The following NEGR1 variants were observed in gnomAD, a reference collection of about 807,000 sequenced individuals.
NEGR1 encodes neuronal growth regulator 1.
A neutral mutation model predicts 40.9 loss-of-function variants in NEGR1; 10 were observed. That is an observed-to-expected ratio of 0.24 (90% CI 0.15 to 0.42). The LOEUF is 0.42. Among genes scored for constraint, NEGR1 ranks in the 10% least tolerant of loss-of-function variants. The probability of loss-of-function intolerance (pLI) is 1.00; values close to 1 mark genes in which losing one functional copy is unlikely to be tolerated. For synonymous variants in NEGR1, 185 were observed against 166.8 expected (o/e 1.11, Z -0.84); for missense variants, 352 against 438.9 (o/e 0.80, Z 1.77).
intron 6 of NEGR1, among the ~76,000 whole-genome samples, chr1:71,409,455 G>A (rs1440414440): frequency 6.6e-6 from 1 of 151,966 alleles, no homozygotes; most frequent in African/African-American, 2.4e-5. Flanking sequence ...AAATTAAGTA[G>A]TAACATTAAA....
At chr1:71,863,055 C>G (rs888746511) in intron 2 of NEGR1, among the ~76,000 whole-genome samples, 24 of 152,112 alleles carry the variant, frequency 1.6e-4, no homozygotes, top group Admixed American at 6.6e-5. Flanking sequence ...CCTCAAGGAC[C>G]TAGGAGCAGA....
chr1:71,445,406 C>T (rs1439936692), intron 6 of NEGR1, among the ~76,000 whole-genome samples: 1 of 149,682 alleles, frequency 6.7e-6, no homozygotes, highest in Non-Finnish European at 1.5e-5. Flanking sequence ...TTCTATGGAG[C>T]CCTAGAGATT....
chr1:71,538,556 T>A (rs958872703), intron 6 of NEGR1, among the ~76,000 whole-genome samples: 1 of 151,600 alleles, frequency 6.6e-6, no homozygotes, highest in South Asian at 2.1e-4. Context: ...TGGGTTGCCC[T>A]GGAATGACCA....
chr1:71,784,162 A>T (rs940122542), intron 2 of NEGR1, among the ~76,000 whole-genome samples: 1 of 152,138 alleles, frequency 6.6e-6, no homozygotes, highest in African/African-American at 2.4e-5. Context: ...ATCAGGGATA[A>T]CCGGATGAGT....
chr1:72,233,886 G>A (rs940968098), intron 1 of NEGR1, among the ~76,000 whole-genome samples: 1 of 152,036 alleles, frequency 6.6e-6, no homozygotes, highest in Non-Finnish European at 1.5e-5. Flanking sequence ...TGCCAAAGTG[G>A]CTGAACTAAT....
intron 1 of NEGR1, among the ~76,000 whole-genome samples, chr1:72,074,268 G>A (rs375613171): frequency 1.6e-4 from 25 of 152,002 alleles, no homozygotes; most frequent in Middle Eastern, 3.2e-3. Context: ...CCTAATATTC[G>A]TCTGTTGGTC....
At chr1:71,846,383 C>CCACACACA (rs370237362) in intron 2 of NEGR1, among the ~76,000 whole-genome samples, 1 of 130,780 alleles carries the variant, frequency 7.6e-6, no homozygotes, top group Non-Finnish European at 1.6e-5. Context: ...ACCCACCCAC[C>CCACACACA]CACACACACA....
chr1:71,771,268 G>T (rs1656310415), intron 3 of NEGR1, among the ~76,000 whole-genome samples: 1 of 152,104 alleles, frequency 6.6e-6, no homozygotes, highest in Non-Finnish European at 1.5e-5. Context: ...TGGACACAGG[G>T]AGGGGAGCAT....
intron 6 of NEGR1, among the ~76,000 whole-genome samples, chr1:71,586,686 C>T (rs560318772): frequency 2.0e-5 from 3 of 152,182 alleles, no homozygotes; most frequent in African/African-American, 4.8e-5. Context: ...CACTAAATGA[C>T]CATTTGGTGT....
intron 1 of NEGR1, among the ~76,000 whole-genome samples, chr1:71,959,072 G>C (rs1412038423): frequency 6.6e-6 from 1 of 150,840 alleles, no homozygotes; most frequent in African/African-American, 2.4e-5. Context: ...AGTATTTTTT[G>C]TTTACACCAT....
chr1:71,493,385 C>T (rs1569943077), intron 6 of NEGR1, among the ~76,000 whole-genome samples: 1 of 152,064 alleles, frequency 6.6e-6, no homozygotes, highest in East Asian at 1.9e-4. Context: ...AACCTTCTTA[C>T]TTAATTTGTA....
chr1:71,509,647 T>G (rs1647059989), intron 6 of NEGR1, among the ~76,000 whole-genome samples: 1 of 152,180 alleles, frequency 6.6e-6, no homozygotes, highest in Non-Finnish European at 1.5e-5. Flanking sequence ...ACTGGAGAGA[T>G]CTAACAAATT....
At chr1:71,624,711 C>A (rs1007685429) in intron 4 of NEGR1, among the ~76,000 whole-genome samples, 5 of 151,914 alleles carry the variant, frequency 3.3e-5, no homozygotes, top group African/African-American at 1.2e-4. Context: ...GTGCTTACAT[C>A]CTCATTTCCT....
chr1:71,783,045 C>T (rs1293381040), intron 2 of NEGR1, among the ~76,000 whole-genome samples: 1 of 151,408 alleles, frequency 6.6e-6, no homozygotes, highest in Non-Finnish European at 1.5e-5. Context: ...GAGAATTTGA[C>T]TCTAATAGTA....
rs574734564 is a variant in NEGR1, at chr1:71,790,883, A to G, written c.410-14586T>C. ...GAAAATGCCATTAAAGGGCCTGGCT[A>G]TTAGCAACTGAAAAATGAGATCTGA... is the stretch of plus-strand genomic sequence containing the variant. On this transcript the variant is annotated intron_variant, in intron 2 of 6. Transcript: ENST00000357731. Among the ~76,000 whole-genome samples the G allele has an allele frequency of 1.2e-4, 19 of 152,166 alleles. No homozygotes were observed. The East Asian group carries it at 3.5e-3, about 28-fold the overall frequency.
chr1:72,039,680 C>A (rs905253432), intron 1 of NEGR1, among the ~76,000 whole-genome samples: 1 of 151,864 alleles, frequency 6.6e-6, no homozygotes, highest in Non-Finnish European at 1.5e-5. Flanking sequence ...GAGAAACCTT[C>A]AGGAACTTGA....
intron 6 of NEGR1, among the ~76,000 whole-genome samples, chr1:71,567,837 T>G (rs1648669584): frequency 6.7e-6 from 1 of 149,830 alleles, no homozygotes; most frequent in Non-Finnish European, 1.5e-5. Flanking sequence ...GAGATTTTGT[T>G]TTTTTTTTTA....
chr1:71,440,973 T>G (rs1276984758), intron 6 of NEGR1, among the ~76,000 whole-genome samples: 1 of 152,146 alleles, frequency 6.6e-6, no homozygotes. Context: ...CAAAACAGGA[T>G]AAAGCAATCA....
intron 1 of NEGR1, among the ~76,000 whole-genome samples, chr1:72,055,301 CA>C (rs1318594773): frequency 1.3e-5 from 2 of 151,118 alleles, no homozygotes; most frequent in African/African-American, 2.4e-5. Flanking sequence ...TCCTTTTGAA[CA>C]AGGCATTTAC....
Sources: gnomAD v4.1 joint callset for allele counts (sites outside exome capture counted in the v4.1 genomes callset) on GRCh38, gnomAD v4.1.1 for gene constraint, MANE v1.5 for transcripts, NCBI Gene and HGNC (gene_info 2026-07-23, HGNC 2026-07-21) for gene names.